Variants in NAT1 observed in about 807,000 individuals in gnomAD.
The protein encoded by NAT1 is N-acetyltransferase 1.
For missense variants in NAT1, 400 were observed against 339.2 expected, an observed-to-expected ratio of 1.18 and a Z score of -1.41; for synonymous variants, 144 against 122.6, an observed-to-expected ratio of 1.17 and a Z score of -1.16.
rs143664942 is a variant in NAT1 at position 18,195,185 on chromosome 8, C to T, written n.93-14596C>T. On this transcript the variant is annotated intron_variant and non_coding_transcript_variant, in intron 2 of 4. Coordinates refer to the NAT1 transcript ENST00000517441. ...CAACACATGGCTTCAAATCATGCTT[C>T]GCCATGTATGCAGAATCTCTCTAAG... Among the ~76,000 whole-genome samples the T allele has an allele frequency of 1.4e-3, 220 of 152,304 alleles. 2 individuals are homozygous for T. The highest frequency in any genetic ancestry group is 5.1e-3 in the African/African-American group (210 of 41,566).
chr8:18,213,850 C>A (rs1804354043), intron 1 of NAT1, among the ~76,000 whole-genome samples: 1 of 149,066 alleles, frequency 6.7e-6, no homozygotes, highest in Admixed American at 6.7e-5. Context: ...GAGTCTCACT[C>A]TCGCCCAGGC....
chr8:18,191,499 T>G (rs1406186783), intron 2 of NAT1, among the ~76,000 whole-genome samples: 2 of 151,964 alleles, frequency 1.3e-5, no homozygotes, highest in African/African-American at 2.4e-5. Context: ...TACTTTAAAG[T>G]TCATATGGAA....
intron 1 of NAT1, among the ~76,000 whole-genome samples, chr8:18,213,627 C>A (rs1403297355): frequency 6.6e-6 from 1 of 152,162 alleles, no homozygotes; most frequent in Non-Finnish European, 1.5e-5. Context: ...CTCCTTTCCT[C>A]AGCAGAGCAT....
intron 2 of NAT1, among the ~76,000 whole-genome samples, chr8:18,177,033 G>C (rs984636947): frequency 6.6e-6 from 1 of 151,984 alleles, no homozygotes; most frequent in African/African-American, 2.4e-5. Context: ...TTAGTGTACA[G>C]AAACACTACT....
intron 2 of NAT1, among the ~76,000 whole-genome samples, chr8:18,204,163 T>TCTCTC (rs1563177737): frequency 1.3e-5 from 2 of 148,622 alleles, no homozygotes; most frequent in African/African-American, 4.9e-5. Flanking sequence ...TTGGATGTCT[T>TCTCTC]TCTCTCTCTC....
chr8:18,188,753 C>T (rs7841691), intron 2 of NAT1, among the ~76,000 whole-genome samples: 97,762 of 151,442 alleles, frequency 0.65, 34,053 homozygotes, highest in Non-Finnish European at 0.77. Context: ...ATCTCAGCAC[C>T]TGGGAGGCTG....
At chr8:18,203,213 C>T (rs540754707) in intron 2 of NAT1, among the ~76,000 whole-genome samples, 1 of 152,128 alleles carries the variant, frequency 6.6e-6, no homozygotes, top group Non-Finnish European at 1.5e-5. Context: ...TATGAAAGAG[C>T]TCTAATTAAT....
At chr8:18,200,352 C>T (rs184433016) in intron 2 of NAT1, among the ~76,000 whole-genome samples, 2 of 152,070 alleles carry the variant, frequency 1.3e-5, no homozygotes, top group Non-Finnish European at 2.9e-5. Context: ...TACTATGCAG[C>T]CATAAAAAAG....
intron 1 of NAT1, among the ~76,000 whole-genome samples, 200 bp downstream of exon 1, chr8:18,210,380 G>A (rs1803958207): frequency 6.6e-6 from 1 of 152,154 alleles, no homozygotes; most frequent in Non-Finnish European, 1.5e-5. Context: ...GATTCAAACT[G>A]TTGGGTTTAC....
rs1401778047 is a variant in NAT1 at position 18,222,918 on chromosome 8, T to C, written c.871T>C (p.Ter291GlnextTer4). The change falls in exon 3 of 3, where the codon TAG becomes CAG. Residue 291 changes from the stop codon to glutamine (Q), a stop_lost. Coordinates refer to ENST00000307719, the MANE Select transcript of NAT1 (RefSeq NM_000662.8). ...ACATGGTGATAGATTTTTTACTATTTAGAATAAGGAGTAAAACAATCTTGT... is the reference window on the plus strand; with the variant it reads ...ACATGGTGATAGATTTTTTACTATTCAGAATAAGGAGTAAAACAATCTTGT... Reference protein sequence around the residue: ...PKHGDRFFTI* With the variant: ...PKHGDRFFTIQ The C allele has an allele frequency of 1.3e-6, 2 of 1,541,272 alleles. No individual in the cohort carries two copies. The highest frequency in any genetic ancestry group is 1.4e-5 in the African/African-American group (1 of 72,286).
chr8:18,202,630 G>A (rs954211908), intron 2 of NAT1, among the ~76,000 whole-genome samples: 28 of 152,148 alleles, frequency 1.8e-4, no homozygotes, highest in African/African-American at 6.8e-4. Flanking sequence ...TTCGCAGTGA[G>A]CGTTACAGCT....
In NAT1 at chr8:18,223,006, A is replaced by G; in HGVS notation, c.*86A>G. 2 of 1,104,174 alleles carry G rather than the reference A, an allele frequency of 1.8e-6. No homozygotes were observed. Among genetic ancestry groups the G allele is most frequent in the Non-Finnish European group, 1.2e-6 (1 of 835,850 alleles). The allele number at this position is 1,104,174 out of a possible 1,614,324, so 68.4% of individuals were successfully genotyped here. A position where few individuals can be genotyped will look rare whatever the true frequency, so the allele number is the denominator to read the frequency against. Reference sequence around the variant, plus strand: ...CCTATCATGTATCTTCTGTACCCTTACCTTATTTTGAAGAAAATCCTAGAC... The same window carrying G: ...CCTATCATGTATCTTCTGTACCCTTGCCTTATTTTGAAGAAAATCCTAGAC... On this transcript the variant is annotated 3_prime_UTR_variant, in exon 3 of 3. Coordinates refer to ENST00000307719, the MANE Select transcript of NAT1 (RefSeq NM_000662.8).
chr8:18,171,214 A>G (rs2117188039), intron 2 of NAT1, among the ~76,000 whole-genome samples: 1 of 152,310 alleles, frequency 6.6e-6, no homozygotes, highest in African/African-American at 2.4e-5. Context: ...TTCTAAAGGT[A>G]ATCTAAAATT....
At chr8:18,210,321 C>G (rs139194445) in intron 1 of NAT1, 141 bp downstream of exon 1, 1 of 152,268 alleles carries the variant, frequency 6.6e-6, no homozygotes, top group East Asian at 1.9e-4. Context: ...TACTTGGAAG[C>G]TAATGCTGTC....
intron 2 of NAT1, among the ~76,000 whole-genome samples, chr8:18,200,263 T>A (rs1243474046): frequency 6.6e-6 from 1 of 152,150 alleles, no homozygotes; most frequent in Non-Finnish European, 1.5e-5. Context: ...GCAGCACTAT[T>A]CGCAATAGCA....
intron 2 of NAT1, among the ~76,000 whole-genome samples, chr8:18,199,603 C>A (rs1803380405): frequency 6.6e-6 from 1 of 152,144 alleles, no homozygotes; most frequent in Non-Finnish European, 1.5e-5. Context: ...TCTGCTCTCT[C>A]TTGAATTGAG....
At chr8:18,219,910 A>G (rs1162479818) in intron 2 of NAT1, among the ~76,000 whole-genome samples, 1 of 152,224 alleles carries the variant, frequency 6.6e-6, no homozygotes, top group Non-Finnish European at 1.5e-5. Context: ...ACAAGAGGCA[A>G]AAAAAGAAAA....
intron 2 of NAT1, among the ~76,000 whole-genome samples, chr8:18,194,684 G>A (rs1803157746): frequency 6.6e-6 from 1 of 152,010 alleles, no homozygotes; most frequent in Admixed American, 6.5e-5. Context: ...GCCGGGCATG[G>A]TGGCAGGTAC....
chr8:18,196,954 G>A lies in NAT1; in HGVS notation n.93-12827G>A, dbSNP rs549064597. Among the ~76,000 whole-genome samples, 7 of 152,246 alleles carry A rather than the reference G, an allele frequency of 4.6e-5. No individual in the cohort carries two copies. The East Asian group carries it at 1.3e-3, about 29-fold the overall frequency. ...GTATTACCCAAGAGTGGGAAATTAT[G>A]AAGGAAAGAGGTTTCGTTGACTCAC... On this transcript the variant is annotated intron_variant and non_coding_transcript_variant, in intron 2 of 4. Transcript: ENST00000517441.
Sources: gnomAD v4.1 joint callset for allele counts (sites outside exome capture counted in the v4.1 genomes callset) on GRCh38, gnomAD v4.1.1 for gene constraint, MANE v1.5 for transcripts, NCBI Gene and HGNC (gene_info 2026-07-23, HGNC 2026-07-21) for gene names.